Variants in STX18 observed in about 807,000 individuals in gnomAD.
STX18 encodes the protein syntaxin-18.
Under a neutral mutation model 50.1 loss-of-function variants are expected in STX18, and 40 were observed. That is an observed-to-expected ratio of 0.80 (90% CI 0.62 to 1.04). STX18 has a LOEUF of 1.04. STX18 is among the 50% of genes least tolerant of loss of function. The pLI, the probability that STX18 is intolerant of heterozygous loss-of-function variation, is 0.00. For synonymous variants in STX18, 158 were observed against 151.8 expected (o/e 1.04, Z -0.30); for missense variants, 410 against 415.8 (o/e 0.99, Z 0.12).
intron 7 of STX18, among the ~76,000 whole-genome samples, chr4:4,429,632 C>T (rs951306117): frequency 6.6e-6 from 1 of 152,206 alleles, no homozygotes; most frequent in Non-Finnish European, 1.5e-5. Context: ...GGCTGTGTGA[C>T]CCTCACCTCG....
intron 1 of STX18, chr4:4,507,870 C>T (rs563323703): frequency 4.7e-5 from 27 of 575,768 alleles, no homozygotes; most frequent in East Asian, 2.1e-4. Context: ...GAAAAATATA[C>T]GAGTTTCCTA....
intron 1 of STX18, among the ~76,000 whole-genome samples, chr4:4,540,773 C>G (rs886386844): frequency 1.7e-4 from 26 of 152,160 alleles, no homozygotes; most frequent in African/African-American, 5.8e-4. Context: ...GTTTAAGTAT[C>G]CTCTGCTAAC....
chr4:4,541,870 T>A lies in STX18; in HGVS notation c.95A>T (p.Asp32Val). 6.2e-7 allele frequency: 1 copy of A among 1,608,094 alleles called. No individual in the cohort carries two copies. The highest frequency in any genetic ancestry group is 8.5e-7 in the Non-Finnish European group (1 of 1,177,298). ...GCGGAACAGCTCGTCCCGGCTGCCA[T>A]CGACCCCGCCGCCCACCGCCACTCC... ...ALGVAVGGGVDGSRDELFRRS... is the reference protein window; with the variant it reads ...ALGVAVGGGVVGSRDELFRRS... Residue 32 changes from aspartate (D) to valine (V), a missense_variant, in exon 1 of 11, where the codon GAT becomes GTT. By Grantham distance (152) the Asp-to-Val change is radical. Transcript: ENST00000306200.
chr4:4,434,670 T>C (rs1725684641), intron 7 of STX18, 100 bp downstream of exon 7: 2 of 925,196 alleles, frequency 2.2e-6, no homozygotes, highest in Non-Finnish European at 3.2e-6. Context: ...AAACTCAGTA[T>C]AAAAATAAGG....
intron 2 of STX18, among the ~76,000 whole-genome samples, chr4:4,467,812 A>T (rs545582003): frequency 2.6e-5 from 4 of 152,222 alleles, no homozygotes; most frequent in Non-Finnish European, 5.9e-5. Flanking sequence ...AGAGACAAAG[A>T]AAAGAAAAGG....
At chr4:4,524,030 CTCTAAG>C (rs1295606330) in intron 1 of STX18, among the ~76,000 whole-genome samples, 12 of 152,162 alleles carry the variant, frequency 7.9e-5, no homozygotes, top group African/African-American at 7.2e-5. Context: ...AGTTATGTGC[CTCTAAG>C]TCTATTTTTT....
intron 1 of STX18, among the ~76,000 whole-genome samples, chr4:4,519,228 T>G (rs541043290): frequency 4.4e-4 from 67 of 152,244 alleles, no homozygotes; most frequent in African/African-American, 1.6e-3. Context: ...ACACAAGCAT[T>G]TACAGAGTTT....
At chr4:4,496,097 A>C (rs73088214) in intron 1 of STX18, among the ~76,000 whole-genome samples, 2,508 of 152,322 alleles carry the variant, frequency 0.016, 68 homozygotes, top group African/African-American at 0.057. Context: ...TAAATTCTTT[A>C]CATTTCCAAG....
At chr4:4,430,708 G>A (rs1432107973) in intron 7 of STX18, among the ~76,000 whole-genome samples, 1 of 152,154 alleles carries the variant, frequency 6.6e-6, no homozygotes, top group Non-Finnish European at 1.5e-5. Flanking sequence ...ACACGTGCAG[G>A]GCATGCCACA....
intron 2 of STX18, among the ~76,000 whole-genome samples, chr4:4,466,290 C>T (rs915905958): frequency 6.6e-6 from 1 of 151,978 alleles, no homozygotes; most frequent in African/African-American, 2.4e-5. Context: ...ACAGGCCAAC[C>T]TGATAGTGTG....
At chr4:4,497,938 T>C (rs924460997) in intron 1 of STX18, among the ~76,000 whole-genome samples, 1 of 152,244 alleles carries the variant, frequency 6.6e-6, no homozygotes, top group Non-Finnish European at 1.5e-5. Flanking sequence ...AATATGCCTC[T>C]GTCCAGAGAG....
chr4:4,500,392 A>C lies in STX18; in HGVS notation c.169-28686T>G, dbSNP rs1729391050. On this transcript the variant is annotated intron_variant, in intron 1 of 10. Coordinates refer to ENST00000306200, the MANE Select transcript of STX18 (RefSeq NM_016930.4). ...AACATGTGCAGATTTTTTTCTTGTTACTATTCTCTAACCAAAACAGTATAA... is the reference window on the plus strand; with the variant it reads ...AACATGTGCAGATTTTTTTCTTGTTCCTATTCTCTAACCAAAACAGTATAA... 2.0e-5 allele frequency among the ~76,000 whole-genome samples: 3 copies of C among 152,304 alleles called. No individual in the cohort carries two copies. In the South Asian group the frequency reaches 6.2e-4, roughly 32 times the overall value.
intron 2 of STX18, among the ~76,000 whole-genome samples, chr4:4,466,966 C>A (rs1727647453): frequency 6.6e-6 from 1 of 151,730 alleles, no homozygotes; most frequent in African/African-American, 2.4e-5. Context: ...GGATGAAATC[C>A]TAGGGAGTCG....
intron 6 of STX18, among the ~76,000 whole-genome samples, chr4:4,436,950 C>CTTT (rs34174730): frequency 0.01 from 1,221 of 116,578 alleles, 136 homozygotes; most frequent in African/African-American, 0.039. Flanking sequence ...TCCAGACTCA[C>CTTT]TTTTTTTTTT....
At chr4:4,516,697 C>CATTTTTATT (rs1466112301) in intron 1 of STX18, among the ~76,000 whole-genome samples, 2 of 152,012 alleles carry the variant, frequency 1.3e-5, no homozygotes, top group Non-Finnish European at 2.9e-5. Flanking sequence ...GACTAACGTG[C>CATTTTTATT]TATGCATTTT....
chr4:4,476,068 A>G (rs1033874290), intron 1 of STX18: 2 of 152,242 alleles, frequency 1.3e-5, no homozygotes, highest in African/African-American at 4.8e-5. Flanking sequence ...TGTAAAATCT[A>G]CTAAGACTGG....
intron 6 of STX18, 100 bp from the exon 7 acceptor site, chr4:4,434,958 T>C (rs1235033482): frequency 1.3e-6 from 1 of 772,066 alleles, no homozygotes; most frequent in Non-Finnish European, 2.0e-6. Context: ...AAACAGAATC[T>C]TACAGCTTTG....
chr4:4,484,563 A>G (rs960150778), intron 1 of STX18, among the ~76,000 whole-genome samples: 1 of 152,194 alleles, frequency 6.6e-6, no homozygotes, highest in African/African-American at 2.4e-5. Flanking sequence ...TGAGATGAAA[A>G]TGGGATATAA....
intron 1 of STX18, among the ~76,000 whole-genome samples, chr4:4,476,334 A>G (rs1728174008): frequency 6.6e-6 from 1 of 152,260 alleles, no homozygotes; most frequent in South Asian, 2.1e-4. Flanking sequence ...TATTTATTTA[A>G]TGTCTCCTCT....
Sources: gnomAD v4.1 joint callset for allele counts (sites outside exome capture counted in the v4.1 genomes callset) on GRCh38, gnomAD v4.1.1 for gene constraint, MANE v1.5 for transcripts, NCBI Gene and HGNC (gene_info 2026-07-23, HGNC 2026-07-21) for gene names.